CDH4: variants seen among roughly 807,000 people sequenced by gnomAD.
The protein encoded by CDH4 is cadherin-4.
A neutral mutation model predicts 86.0 loss-of-function variants in CDH4; 33 were observed. That is an observed-to-expected ratio of 0.38 (90% CI 0.29 to 0.51). The LOEUF is 0.51. Ranked by LOEUF, CDH4 falls within the 20% of genes least tolerant of loss-of-function variation. The pLI is 0.86. For synonymous variants in CDH4, 555 were observed against 549.4 expected (o/e 1.01, Z -0.14); for missense variants, 1,114 against 1,307.4 (o/e 0.85, Z 2.28).
intron 2 of CDH4, among the ~76,000 whole-genome samples, chr20:61,587,938 G>A (rs1266352300): frequency 8.5e-5 from 13 of 152,254 alleles, no homozygotes; most frequent in South Asian, 4.2e-4. Flanking sequence ...GTCAACCGGC[G>A]TTTTCTGCTT....
intron 2 of CDH4, among the ~76,000 whole-genome samples, chr20:61,278,344 C>T (rs2084241366): frequency 6.6e-6 from 1 of 152,234 alleles, no homozygotes; most frequent in African/African-American, 2.4e-5. Context: ...ATTGATTCAT[C>T]TCCTTTCACT....
chr20:61,481,108 C>T (rs1316029952), intron 2 of CDH4, among the ~76,000 whole-genome samples: 1 of 152,188 alleles, frequency 6.6e-6, no homozygotes, highest in African/African-American at 2.4e-5. Context: ...ACTCAAGTCT[C>T]CCAGTGACAA....
At chr20:61,920,686 G>T (rs184644528) in intron 9 of CDH4, among the ~76,000 whole-genome samples, 4 of 145,452 alleles carry the variant, frequency 2.8e-5, no homozygotes, top group African/African-American at 7.6e-5. Context: ...GCGTGGTGTC[G>T]TGATGATTGC....
chr20:61,673,039 T>C (rs61169653), intron 2 of CDH4, among the ~76,000 whole-genome samples: 19,154 of 151,302 alleles, frequency 0.13, 1,529 homozygotes, highest in East Asian at 0.35. Flanking sequence ...GAGAGAGAGA[T>C]TGGAAGATGC....
At chr20:61,532,950 C>T (rs1166916127) in intron 2 of CDH4, among the ~76,000 whole-genome samples, 1 of 152,028 alleles carries the variant, frequency 6.6e-6, no homozygotes, top group Non-Finnish European at 1.5e-5. Flanking sequence ...CGGGGCTGGG[C>T]TGTGGTTCTT....
intron 4 of CDH4, among the ~76,000 whole-genome samples, chr20:61,812,693 C>T (rs1476001324): frequency 6.6e-6 from 1 of 152,242 alleles, no homozygotes; most frequent in Non-Finnish European, 1.5e-5. Flanking sequence ...TGCCAGCCAA[C>T]GCCCTTTGGG....
intron 2 of CDH4, among the ~76,000 whole-genome samples, chr20:61,335,454 C>A (rs1261150305): frequency 6.6e-6 from 1 of 152,198 alleles, no homozygotes; most frequent in East Asian, 1.9e-4. Flanking sequence ...TGGGTTCCTG[C>A]TAGCCAGTTA....
intron 2 of CDH4, among the ~76,000 whole-genome samples, chr20:61,411,496 C>A (rs1020159134): frequency 6.6e-6 from 1 of 151,896 alleles, no homozygotes; most frequent in South Asian, 2.1e-4. Flanking sequence ...GGGCAGCCTT[C>A]CCACAGGGTC....
At chr20:61,632,524 G>A (rs2086898804) in intron 2 of CDH4, among the ~76,000 whole-genome samples, 1 of 152,072 alleles carries the variant, frequency 6.6e-6, no homozygotes, top group African/African-American at 2.4e-5. Context: ...GGCTGCTGGA[G>A]GCATACCAGC....
intron 2 of CDH4, among the ~76,000 whole-genome samples, chr20:61,693,331 G>GC (rs2087679593): frequency 6.6e-6 from 1 of 152,236 alleles, no homozygotes; most frequent in Non-Finnish European, 1.5e-5. Context: ...TGCCTGCTCT[G>GC]CTCCAATGCT....
intron 2 of CDH4, among the ~76,000 whole-genome samples, chr20:61,412,321 A>G (rs1464958715): frequency 6.6e-6 from 1 of 152,182 alleles, no homozygotes; most frequent in Non-Finnish European, 1.5e-5. Flanking sequence ...CTCCCTGACC[A>G]TGGTGAGCAA....
intron 2 of CDH4, among the ~76,000 whole-genome samples, chr20:61,445,159 T>G (rs1216433975): frequency 1.3e-5 from 2 of 152,156 alleles, no homozygotes; most frequent in Non-Finnish European, 2.9e-5. Flanking sequence ...AATCCCAGCC[T>G]GACCCTGGCC....
chr20:61,487,930 G>A (rs1299050448), intron 2 of CDH4, among the ~76,000 whole-genome samples: 1 of 152,206 alleles, frequency 6.6e-6, no homozygotes, highest in Non-Finnish European at 1.5e-5. Context: ...CTTCCTAATA[G>A]GAGCATCTAA....
chr20:61,755,496 C>G (rs529695359), intron 3 of CDH4, among the ~76,000 whole-genome samples: 1 of 148,300 alleles, frequency 6.7e-6, no homozygotes, highest in Non-Finnish European at 1.5e-5. Flanking sequence ...ACATCACACA[C>G]CACACACACA....
chr20:61,699,358 C>T (rs2087749194), intron 2 of CDH4, among the ~76,000 whole-genome samples: 1 of 152,220 alleles, frequency 6.6e-6, no homozygotes, highest in African/African-American at 2.4e-5. Context: ...CCCCCCAGTG[C>T]AGGGCGGGCA....
Position 61,689,928 on chromosome 20 carries a change from AGGT to A in CDH4, c.170-53633_170-53631del, listed in dbSNP as rs1221606480. On this transcript the variant is annotated intron_variant, in intron 2 of 15. Coordinates refer to ENST00000614565, the MANE Select transcript of CDH4 (RefSeq NM_001794.5). ...AATTGAGCTGGGACGGTGGTTGGTGAGGTGATGTGGAATCAGGCTGGGACACTG... is the reference window on the plus strand; with the variant it reads ...AATTGAGCTGGGACGGTGGTTGGTGAGATGTGGAATCAGGCTGGGACACTG... Among the ~76,000 whole-genome samples the A allele has an allele frequency of 2.1e-4, 29 of 138,518 alleles. 2 individuals are homozygous for A. Among genetic ancestry groups the A allele is most frequent in the African/African-American group, 8.3e-4 (28 of 33,760 alleles). 90.9% of individuals were successfully genotyped at this position (138,518 alleles called of 152,430 possible). A position where few individuals can be genotyped will look rare whatever the true frequency, so the allele number is the denominator to read the frequency against.
intron 2 of CDH4, among the ~76,000 whole-genome samples, chr20:61,725,556 C>T (rs981865366): frequency 1.3e-5 from 2 of 152,152 alleles, no homozygotes; most frequent in African/African-American, 2.4e-5. Context: ...TTGTGACTCC[C>T]TCCAGTCTGA....
rs1600819301 is a variant in CDH4, at chr20:61,269,297, C to A, written c.169+14360C>A. On this transcript the variant is annotated intron_variant, in intron 2 of 15. Coordinates refer to ENST00000614565, the MANE Select transcript of CDH4 (RefSeq NM_001794.5). This position sits in a 1 kb window ranked among gnomAD's most constrained non-coding sequence, Gnocchi z 5.3. ...AGGAGCCAGGATTGATGGGGGGCAG[C>A]CTTCAGAGCCCAACCCTCCACCCCA... Among the ~76,000 whole-genome samples, 1 of 152,156 alleles carries A rather than the reference C, an allele frequency of 6.6e-6. No homozygotes were observed. The highest frequency in any genetic ancestry group is 2.4e-5 in the African/African-American group (1 of 41,444).
intron 3 of CDH4, among the ~76,000 whole-genome samples, chr20:61,770,381 TC>T (rs2088759692): frequency 6.6e-6 from 1 of 152,196 alleles, no homozygotes; most frequent in Non-Finnish European, 1.5e-5. Context: ...TGGTGCAAGG[TC>T]CATTCTCCAC....
Sources: allele counts gnomAD v4.1 joint callset (sites outside exome capture counted in the v4.1 genomes callset), GRCh38; gene constraint gnomAD v4.1.1; non-coding constraint Gnocchi (gnomAD v3.1); transcripts MANE v1.5; gene names NCBI Gene and HGNC (gene_info 2026-07-23, HGNC 2026-07-21).